GLB1L3: variants seen among roughly 807,000 people sequenced by gnomAD.
GLB1L3 encodes beta-galactosidase-1-like protein 3.
In GLB1L3, 89 loss-of-function variants were observed where a neutral mutation model predicts 89.5. The observed-to-expected ratio is 0.99, with a 90% confidence interval of 0.84 to 1.19. The LOEUF (loss-of-function observed/expected upper bound fraction) is 1.19, where lower values mean the gene tolerates loss of function less well. Among genes scored for constraint, GLB1L3 ranks in the 50% most tolerant of loss-of-function variants. The probability of loss-of-function intolerance (pLI) is 0.00; values close to 1 mark genes in which losing one functional copy is unlikely to be tolerated. For missense variants in GLB1L3, 812 were observed against 813.3 expected (o/e 1.00, Z 0.02); for synonymous variants, 314 against 312.3 (o/e 1.01, Z -0.06).
chr11:134,297,040 A>G, intron 9 of GLB1L3, among the ~76,000 whole-genome samples: 1 of 151,868 alleles, frequency 6.6e-6, no homozygotes, highest in South Asian at 2.1e-4. Context: ...ATAATCATAG[A>G]TTGTTTATTT....
intron 9 of GLB1L3, among the ~76,000 whole-genome samples, chr11:134,294,809 A>G (rs1235275067): frequency 2.0e-5 from 3 of 152,208 alleles, no homozygotes; most frequent in Non-Finnish European, 4.4e-5. Flanking sequence ...ATGTTGTAGC[A>G]GGACTCAGCG....
intron 10 of GLB1L3, among the ~76,000 whole-genome samples, chr11:134,308,539 C>T (rs1591581016): frequency 3.0e-5 from 1 of 33,742 alleles, no homozygotes; most frequent in African/African-American, 8.3e-5. Context: ...CCACTACCAC[C>T]ACCATCACCA....
At chr11:134,292,248 G>A in intron 8 of GLB1L3, 35 bp downstream of exon 8, 2 of 1,499,298 alleles carry the variant, frequency 1.3e-6, no homozygotes, top group Non-Finnish European at 1.9e-6. Flanking sequence ...GGAGAACAGG[G>A]CTCTCAGCCA....
Position 134,319,050 on chromosome 11 carries a change from G to T in GLB1L3, c.*108G>T. ...GCTCACTGCAAGCTCAGCCTCTCGG[G>T]TTCACGCCATTCTCCTGCCTCAGCC... On this transcript the variant is annotated 3_prime_UTR_variant, in exon 20 of 20. Transcript: ENST00000431683. 1 of 771,830 alleles carries T rather than the reference G, an allele frequency of 1.3e-6. No homozygotes were observed. Among genetic ancestry groups the T allele is most frequent in the South Asian group, 1.6e-5 (1 of 63,792 alleles). 47.8% of individuals were successfully genotyped at this position (771,830 alleles called of 1,614,324 possible).
intron 9 of GLB1L3, among the ~76,000 whole-genome samples, chr11:134,306,882 C>T (rs905215387): frequency 1.3e-5 from 2 of 152,156 alleles, no homozygotes; most frequent in African/African-American, 4.8e-5. Context: ...TGGTGCTTTC[C>T]GGGTATAGTA....
chr11:134,314,541 C>T, intron 18 of GLB1L3, 100 bp downstream of exon 18: 1 of 754,090 alleles, frequency 1.3e-6, no homozygotes, highest in Non-Finnish European at 2.3e-6. Flanking sequence ...ACTTCCCTTT[C>T]TTCTTTTCCT....
downstream of GLB1L3, among the ~76,000 whole-genome samples, chr11:134,321,375 C>T (rs865781076): frequency 2.0e-5 from 3 of 151,852 alleles, no homozygotes; most frequent in South Asian, 6.2e-4. Context: ...CAAACAAAAT[C>T]CTCTAACCAA....
chr11:134,318,859 C>A lies in GLB1L3; in HGVS notation c.1897-18C>A. 1.9e-6 allele frequency: 3 copies of A among 1,610,234 alleles called. No individual in the cohort carries two copies. Among genetic ancestry groups the A allele is most frequent in the Non-Finnish European group, 1.7e-6 (2 of 1,176,598 alleles). The stretch of plus-strand genomic sequence containing the variant: ...TAGGCTTCACCTTTCCCACTGTCAA[C>A]CTTTCTTTTCTTCTCAGGTCATCTT... On this transcript the variant is annotated intron_variant, in intron 19 of 19. Coordinates refer to ENST00000431683, the MANE Select transcript of GLB1L3 (RefSeq NM_001080407.3).
chr11:134,291,586 G>T (rs559572272), intron 7 of GLB1L3, among the ~76,000 whole-genome samples: 1 of 152,118 alleles, frequency 6.6e-6, no homozygotes, highest in East Asian at 1.9e-4. Flanking sequence ...TACCCAATAT[G>T]ATGTAAATGC....
Position 134,314,361 on chromosome 11 carries a change from G to T in GLB1L3, c.1699G>T (p.Asp567Tyr). 1 of 1,551,240 alleles carries T rather than the reference G, an allele frequency of 6.4e-7. No individual in the cohort carries two copies. Among genetic ancestry groups the T allele is most frequent in the South Asian group, 1.2e-5 (1 of 83,972 alleles). The change falls in exon 18 of 20, where the codon GAC (aspartate) becomes TAC (tyrosine). Residue 567 changes from aspartate (D) to tyrosine (Y), a missense_variant. Physicochemically the swap from Asp to Tyr is radical, Grantham distance 160. Coordinates refer to ENST00000431683, the MANE Select transcript of GLB1L3 (RefSeq NM_001080407.3). ...LRSATWKPVP[D>Y]SHQGPAFYCG... ...CTCTGCCACCTGGAAGCCTGTCCCA[G>T]ACAGCCACCAGGGCCCGGCCTTCTA...
At chr11:134,276,949 G>C (rs1940399215) in intron 1 of GLB1L3, among the ~76,000 whole-genome samples, 186 bp downstream of exon 1, 1 of 152,188 alleles carries the variant, frequency 6.6e-6, no homozygotes, top group South Asian at 2.1e-4. Context: ...CCTGCGGAGG[G>C]GCCGTTCACC....
At chr11:134,315,782 C>T (rs1942951795) in intron 18 of GLB1L3, among the ~76,000 whole-genome samples, 2 of 152,096 alleles carry the variant, frequency 1.3e-5, no homozygotes, top group Admixed American at 1.3e-4. Context: ...TTTTCTGATT[C>T]TGTCATTATC....
chr11:134,314,226 A>G (rs902810009), intron 17 of GLB1L3, 104 bp from the exon 18 acceptor site: 1 of 794,478 alleles, frequency 1.3e-6, no homozygotes, highest in Non-Finnish European at 2.1e-6. Flanking sequence ...ACTCTATCTC[A>G]TTGAAACAGA....
At chr11:134,306,798 C>T (rs1042857614) in intron 9 of GLB1L3, among the ~76,000 whole-genome samples, 11 of 152,354 alleles carry the variant, frequency 7.2e-5, no homozygotes, top group African/African-American at 1.9e-4. Context: ...TAAGGAATTG[C>T]GGTCAGGTCC....
At chr11:134,307,755 T>G (rs1221994093) in intron 10 of GLB1L3, among the ~76,000 whole-genome samples, 5 of 152,196 alleles carry the variant, frequency 3.3e-5, no homozygotes, top group Non-Finnish European at 7.4e-5. Flanking sequence ...ATGCGCTAGC[T>G]TCATGCAGGC....
chr11:134,289,754 C>T (rs576223913), intron 7 of GLB1L3, among the ~76,000 whole-genome samples: 1 of 152,192 alleles, frequency 6.6e-6, no homozygotes, highest in African/African-American at 2.4e-5. Flanking sequence ...TGCTTCTTCA[C>T]GGAGGGACTG....
intron 3 of GLB1L3, among the ~76,000 whole-genome samples, chr11:134,278,599 C>T (rs1450613688): frequency 6.6e-6 from 1 of 152,098 alleles, no homozygotes; most frequent in Admixed American, 6.5e-5. Context: ...TGTATGACCA[C>T]AAAAAAGCAA....
At chr11:134,317,970 A>G (rs887393848) in intron 18 of GLB1L3, among the ~76,000 whole-genome samples, 1 of 152,186 alleles carries the variant, frequency 6.6e-6, no homozygotes. Context: ...ACAGAGCTAT[A>G]GCAACTTCCT....
At chr11:134,285,814 G>C (rs191123405) in intron 6 of GLB1L3, among the ~76,000 whole-genome samples, 17 of 152,044 alleles carry the variant, frequency 1.1e-4, no homozygotes, top group African/African-American at 4.1e-4. Context: ...GGTAGTAGTA[G>C]GCTGATATCT....
Sources: gnomAD v4.1 joint callset for allele counts (sites outside exome capture counted in the v4.1 genomes callset) on GRCh38, gnomAD v4.1.1 for gene constraint, MANE v1.5 for transcripts, NCBI Gene and HGNC (gene_info 2026-07-23, HGNC 2026-07-21) for gene names.